Variants in NLGN4Y observed in about 807,000 individuals in gnomAD.
NLGN4Y encodes the protein neuroligin 4 Y-linked, also known as neuroligin-4, Y-linked.
A neutral mutation model predicts 8.4 loss-of-function variants in NLGN4Y; 4 were observed. The ratio of observed to expected loss-of-function variants is 0.48; its 90% confidence interval spans 0.23 to 1.09. The LOEUF is 1.09. Ranked by LOEUF, NLGN4Y falls within the 50% of genes least tolerant of loss-of-function variation. NLGN4Y has a pLI of 0.19. For missense variants in NLGN4Y, 90 were observed against 192.3 expected, an observed-to-expected ratio of 0.47 and a Z score of 3.15; for synonymous variants, 35 against 75.6, an observed-to-expected ratio of 0.46 and a Z score of 2.78.
At chrY:14,697,359 T>A (rs777957126) in intron 2 of NLGN4Y, among the ~76,000 whole-genome samples, 6 of 31,715 alleles carry the variant, frequency 1.9e-4, no homozygotes, top group Admixed American at 1.8e-3. Context: ...GATAGATAGA[T>A]AGATAGATGA....
chrY:14,637,187 G>A (rs745569804), intron 2 of NLGN4Y, among the ~76,000 whole-genome samples: 64 of 32,994 alleles, frequency 1.9e-3, no homozygotes, highest in South Asian at 0.01. Flanking sequence ...AAAACTGCAC[G>A]TTCTGCACAT....
intron 4 of NLGN4Y, among the ~76,000 whole-genome samples, chrY:14,753,440 AT>A (rs2081048641): frequency 3.4e-5 from 1 of 29,303 alleles, no homozygotes; most frequent in African/African-American, 1.3e-4. Flanking sequence ...CACCTGGCCA[AT>A]TTTTTTTTCT....
At chrY:14,738,936 G>C (rs2080998603) in intron 4 of NLGN4Y, among the ~76,000 whole-genome samples, 1 of 32,302 alleles carries the variant, frequency 3.1e-5, no homozygotes, top group Non-Finnish European at 7.5e-5. Flanking sequence ...CACTCACTTT[G>C]TAACAACCAA....
chrY:14,766,930 CAT>C (rs2081095141), intron 4 of NLGN4Y, among the ~76,000 whole-genome samples: 1 of 32,853 alleles, frequency 3.0e-5, no homozygotes, highest in African/African-American at 1.2e-4. Context: ...AAATGTATAA[CAT>C]GTGAAATTTC....
At chrY:14,821,976 C>T in intron 4 of NLGN4Y, among the ~76,000 whole-genome samples, 1 of 33,649 alleles carries the variant, frequency 3.0e-5, no homozygotes, top group South Asian at 6.6e-4. Context: ...TAGGTCAGAT[C>T]TCTTTCACTG....
Position 14,843,920 on chromosome Y carries a change from G to A in NLGN4Y, c.*2658G>A. Reference sequence around the variant, plus strand: ...ACACATATGTATAAACTTTTCAGCAGCATTTTAATAATAAAATATCACACT... The same window carrying A: ...ACACATATGTATAAACTTTTCAGCAACATTTTAATAATAAAATATCACACT... On this transcript the variant is annotated 3_prime_UTR_variant, in exon 7 of 7. Coordinates refer to ENST00000684976, the MANE Select transcript of NLGN4Y (RefSeq NM_001365588.1). The A allele has an allele frequency of 8.3e-6, 1 of 120,988 alleles. No individual in the cohort carries two copies. Among genetic ancestry groups the A allele is most frequent in the Non-Finnish European group, 1.8e-5 (1 of 56,029 alleles). 30.2% of individuals were successfully genotyped at this position (120,988 alleles called of 400,897 possible). A position where few individuals can be genotyped will look rare whatever the true frequency, so the allele number is the denominator to read the frequency against.
At chrY:14,784,477 G>A (rs2042954067) in intron 4 of NLGN4Y, among the ~76,000 whole-genome samples, 30 of 32,784 alleles carry the variant, frequency 9.2e-4, no homozygotes, top group African/African-American at 3.5e-3. Context: ...TGGCTAACAC[G>A]GTGAAACCCC....
chrY:14,531,290 T>C (rs2080114095), intron 1 of NLGN4Y, among the ~76,000 whole-genome samples: 1 of 33,176 alleles, frequency 3.0e-5, no homozygotes. Context: ...ACACAGATCA[T>C]AGATTATTCA....
At chrY:14,586,199 G>A (rs2150488661) in intron 1 of NLGN4Y, among the ~76,000 whole-genome samples, 1 of 33,490 alleles carries the variant, frequency 3.0e-5, no homozygotes, top group Admixed American at 2.7e-4. Flanking sequence ...AAACTGTGTG[G>A]GAAAGGTGGT....
chrY:14,828,800 C>T lies in NLGN4Y; in HGVS notation c.872-930C>T, dbSNP rs1603504432. 1.8e-4 allele frequency among the ~76,000 whole-genome samples: 6 copies of T among 33,678 alleles called. No individual in the cohort carries two copies. The East Asian group carries it at 3.1e-3, about 17-fold the overall frequency. 90.4% of individuals were successfully genotyped at this position (33,678 alleles called of 37,273 possible). A position where few individuals can be genotyped will look rare whatever the true frequency, so the allele number is the denominator to read the frequency against. On this transcript the variant is annotated intron_variant, in intron 5 of 6. Coordinates refer to ENST00000684976, the MANE Select transcript of NLGN4Y (RefSeq NM_001365588.1). ...TGACTCAGTCTGGGATTTACAGAAA[C>T]GTCAGGAAGTGATCGTAAATGGAAT...
At chrY:14,805,986 A>C (rs1056083378) in intron 4 of NLGN4Y, among the ~76,000 whole-genome samples, 4 of 32,974 alleles carry the variant, frequency 1.2e-4, no homozygotes, top group South Asian at 7.1e-4. Flanking sequence ...TACACACACA[A>C]AAAAATTTAG....
intron 2 of NLGN4Y, among the ~76,000 whole-genome samples, chrY:14,641,595 G>A: frequency 3.0e-5 from 1 of 33,801 alleles, no homozygotes; most frequent in Non-Finnish European, 7.3e-5. Flanking sequence ...CAAGTTTGTG[G>A]TAATTAGTTA....
intron 4 of NLGN4Y, among the ~76,000 whole-genome samples, chrY:14,754,621 T>G (rs758151206): frequency 3.0e-5 from 1 of 33,496 alleles, no homozygotes; most frequent in East Asian, 7.9e-4. Flanking sequence ...TTGCTGTTGT[T>G]TTACTGTCTT....
intron 4 of NLGN4Y, among the ~76,000 whole-genome samples, chrY:14,725,989 T>A: frequency 3.0e-5 from 1 of 33,436 alleles, no homozygotes; most frequent in East Asian, 7.8e-4. Flanking sequence ...TGAACCTTAC[T>A]GGTGTTAGGA....
intron 2 of NLGN4Y, among the ~76,000 whole-genome samples, chrY:14,644,657 G>C: frequency 3.0e-5 from 1 of 32,940 alleles, no homozygotes; most frequent in Admixed American, 2.8e-4. Context: ...ATCTAAAAGG[G>C]GGTCTGACCT....
At chrY:14,706,797 A>T (rs1212254014) in intron 2 of NLGN4Y, among the ~76,000 whole-genome samples, 26 of 19,464 alleles carry the variant, frequency 1.3e-3, no homozygotes, top group Admixed American at 2.2e-3. Flanking sequence ...TTTAAAAAAA[A>T]ATATATATAT....
At chrY:14,525,191 C>T in intron 1 of NLGN4Y, among the ~76,000 whole-genome samples, 2 of 34,119 alleles carry the variant, frequency 5.9e-5, no homozygotes, top group African/African-American at 1.1e-4. Flanking sequence ...CGAGGTGAAC[C>T]CGGAGGATGT....
In NLGN4Y at chrY:14,525,232, A is replaced by G. The variant is rs770566037; in HGVS notation, c.-112+524A>G. On this transcript the variant is annotated intron_variant, in intron 1 of 6. Transcript: ENST00000684976. ...GCATCATACCCCTCCCCTTCTTGAG[A>G]AGGCTTTTTCTTTTTTTCTTTTTTT... 3.9e-4 allele frequency among the ~76,000 whole-genome samples: 13 copies of G among 33,702 alleles called. No individual in the cohort carries two copies. The East Asian group carries it at 9.7e-3, about 25-fold the overall frequency. The allele number at this position is 33,702 out of a possible 37,273, so 90.4% of individuals were successfully genotyped here. A position where few individuals can be genotyped will look rare whatever the true frequency, so the allele number is the denominator to read the frequency against.
At chrY:14,585,274 G>A (rs2080336087) in intron 1 of NLGN4Y, among the ~76,000 whole-genome samples, 1 of 33,562 alleles carries the variant, frequency 3.0e-5, no homozygotes, top group African/African-American at 1.2e-4. Flanking sequence ...TCTCCATGAT[G>A]TGATTGCATA....
Sources: gnomAD v4.1 joint callset for allele counts (sites outside exome capture counted in the v4.1 genomes callset) on GRCh38, gnomAD v4.1.1 for gene constraint, MANE v1.5 for transcripts, NCBI Gene and HGNC (gene_info 2026-07-23, HGNC 2026-07-21) for gene names.